The following MTRF1 variants were observed in gnomAD, a reference collection of about 807,000 sequenced individuals.
MTRF1 encodes mitochondrial translation release factor 1.
In MTRF1, 51 loss-of-function variants were observed where a neutral mutation model predicts 62.9. The observed-to-expected ratio is 0.81, with a 90% CI of 0.65 to 1.02. MTRF1 has a LOEUF of 1.02. Ranked by LOEUF, MTRF1 falls within the 50% of genes least tolerant of loss-of-function variation. MTRF1 has a pLI of 0.00. For missense variants in MTRF1, 446 were observed against 530.0 expected (o/e 0.84, Z 1.56); for synonymous variants, 158 against 181.9 (o/e 0.87, Z 1.06).
chr13:41,297,663 C>T, the MTRF1 span, among the ~76,000 whole-genome samples: 6 of 151,914 alleles, frequency 3.9e-5, no homozygotes, highest in Admixed American at 1.3e-4. Context: ...ACAACCTCTG[C>T]CTTCCGGGTT....
chr13:41,220,886 A>T (rs2033190604), intron 9 of MTRF1, among the ~76,000 whole-genome samples: 1 of 152,122 alleles, frequency 6.6e-6, no homozygotes, highest in African/African-American at 2.4e-5. Context: ...ACTGGCTAGG[A>T]CTTATTTGGG....
the MTRF1 span, among the ~76,000 whole-genome samples, chr13:41,273,321 G>C: frequency 2.2e-5 from 3 of 137,880 alleles, no homozygotes; most frequent in South Asian, 2.3e-4. Flanking sequence ...GCGAGACTCC[G>C]TCTCAAAAAA....
chr13:41,232,840 G>C (rs1236213108), intron 7 of MTRF1, among the ~76,000 whole-genome samples: 1 of 152,186 alleles, frequency 6.6e-6, no homozygotes, highest in Non-Finnish European at 1.5e-5. Context: ...GGAGTCTCCA[G>C]AGAGCACTGG....
intron 5 of MTRF1, among the ~76,000 whole-genome samples, chr13:41,250,239 T>C (rs1362521228): frequency 6.6e-6 from 1 of 152,200 alleles, no homozygotes; most frequent in Admixed American, 6.5e-5. Flanking sequence ...TCTCCTCTTT[T>C]GCTTCCATAA....
Position 41,226,478 on chromosome 13 carries a change from A to G in MTRF1, c.1079T>C (p.Ile360Thr). 6.2e-7 allele frequency: 1 copy of G among 1,613,526 alleles called. No homozygotes were observed. ...RVLRARLYQQ[I>T]IEKDKRQQQS... ...TTGCTGACGCTTGTCTTTCTCAATA[A>G]TCTGCTGGTAGAGTCTAGCTCTCAA... The change falls in exon 8 of 10, where the codon ATT (isoleucine) becomes ACT (threonine). Residue 360 changes from isoleucine to threonine, a missense_variant. Ile to Thr is a moderately conservative substitution (Grantham distance 89, BLOSUM62 -1). Transcript: ENST00000379480.
At chr13:41,296,731 A>C in the MTRF1 span, among the ~76,000 whole-genome samples, 1 of 151,916 alleles carries the variant, frequency 6.6e-6, no homozygotes, top group Admixed American at 6.6e-5. Context: ...ATTTGTATGA[A>C]TATGTTATTA....
the MTRF1 span, among the ~76,000 whole-genome samples, chr13:41,286,634 C>T: frequency 6.6e-6 from 1 of 152,206 alleles, no homozygotes; most frequent in Non-Finnish European, 1.5e-5. Flanking sequence ...TATCAAAATA[C>T]GATCTTCATC....
the MTRF1 span, among the ~76,000 whole-genome samples, chr13:41,282,875 C>A: frequency 6.6e-6 from 1 of 152,216 alleles, no homozygotes; most frequent in Non-Finnish European, 1.5e-5. Context: ...ATTCCATTGC[C>A]CTCCTGCCTG....
intron 5 of MTRF1, among the ~76,000 whole-genome samples, chr13:41,250,534 G>A (rs184782390): frequency 1.7e-4 from 25 of 148,850 alleles, no homozygotes; most frequent in Middle Eastern, 3.4e-3. Context: ...TTACTCTATC[G>A]CCCAGGCTGA....
intron 7 of MTRF1, among the ~76,000 whole-genome samples, chr13:41,232,464 G>C (rs1034365633): frequency 6.6e-6 from 1 of 152,164 alleles, no homozygotes; most frequent in Non-Finnish European, 1.5e-5. Flanking sequence ...TGAAAGGCAT[G>C]AGTCTCTAAA....
At chr13:41,292,888 A>T in the MTRF1 span, among the ~76,000 whole-genome samples, 5 of 152,296 alleles carry the variant, frequency 3.3e-5, no homozygotes, top group East Asian at 9.6e-4. Context: ...GTGAACTATG[A>T]TTATGCCACA....
At chr13:41,300,371 G>A in the MTRF1 span, among the ~76,000 whole-genome samples, 9 of 152,096 alleles carry the variant, frequency 5.9e-5, no homozygotes, top group African/African-American at 1.9e-4. Flanking sequence ...CGGATCACAA[G>A]GTCAGGAAAT....
intron 2 of MTRF1, among the ~76,000 whole-genome samples, chr13:41,255,722 A>C (rs2039624138): frequency 6.6e-6 from 1 of 152,152 alleles, no homozygotes; most frequent in African/African-American, 2.4e-5. Flanking sequence ...CACGTGTGTC[A>C]GACAAAACAT....
At chr13:41,250,746 G>A (rs989729914) in intron 5 of MTRF1, among the ~76,000 whole-genome samples, 3 of 152,126 alleles carry the variant, frequency 2.0e-5, no homozygotes, top group Non-Finnish European at 2.9e-5. Context: ...GATTATAGGC[G>A]TGAGCCACTG....
At position 41,258,578 on chromosome 13, in the gene MTRF1, A is replaced by AAAC. The variant is rs1325649729; in HGVS notation, c.415+1914_415+1915insGTT. On this transcript the variant is annotated intron_variant, in intron 2 of 9. Transcript: ENST00000379480. Reference sequence around the variant, plus strand: ...GACCATCTCTTAAAAAAAAAAACAAAAAAAAAAAACATAAAAAATAAATAC... The same window carrying AAAC: ...GACCATCTCTTAAAAAAAAAAACAAAAACAAAAAAAAACATAAAAAATAAATAC... Among the ~76,000 whole-genome samples, 574 of 126,188 alleles carry AAAC rather than the reference A, an allele frequency of 4.5e-3. 5 individuals are homozygous for AAAC. The highest frequency in any genetic ancestry group is 0.018 in the African/African-American group (545 of 29,960). 82.8% of individuals were successfully genotyped at this position (126,188 alleles called of 152,430 possible). A position where few individuals can be genotyped will look rare whatever the true frequency, so the allele number is the denominator to read the frequency against.
chr13:41,263,413 A>G, intron 1 of MTRF1, 72 bp downstream of exon 1: 1 of 563,990 alleles, frequency 1.8e-6, no homozygotes, highest in Admixed American at 2.6e-5. Flanking sequence ...TGTGTAACTC[A>G]GTATATGGAG....
At chr13:41,273,051 GCA>G in the MTRF1 span, among the ~76,000 whole-genome samples, 2 of 152,254 alleles carry the variant, frequency 1.3e-5, no homozygotes, top group Admixed American at 1.3e-4. Context: ...CTATGGCTGG[GCA>G]TGGTGGCTCA....
At chr13:41,271,744 A>G in the MTRF1 span, among the ~76,000 whole-genome samples, 3 of 152,144 alleles carry the variant, frequency 2.0e-5, no homozygotes, top group African/African-American at 7.2e-5. Context: ...CTGGTCACCC[A>G]GGGGTGCCAT....
the MTRF1 span, among the ~76,000 whole-genome samples, chr13:41,286,719 G>C: frequency 6.6e-6 from 1 of 152,174 alleles, no homozygotes; most frequent in African/African-American, 2.4e-5. Context: ...TTCATTACAG[G>C]AAACATGTGA....
Sources: allele counts gnomAD v4.1 joint callset (sites outside exome capture counted in the v4.1 genomes callset), GRCh38; gene constraint gnomAD v4.1.1; transcripts MANE v1.5; gene names NCBI Gene and HGNC (gene_info 2026-07-23, HGNC 2026-07-21).